KCNIP4: variants seen among roughly 807,000 people sequenced by gnomAD.
KCNIP4 encodes the protein potassium voltage-gated channel interacting protein 4, also known as Kv channel-interacting protein 4.
Under a neutral mutation model 34.0 loss-of-function variants are expected in KCNIP4, and 12 were observed. The observed-to-expected ratio is 0.35, with a 90% CI of 0.23 to 0.57. KCNIP4 has a LOEUF of 0.57. KCNIP4 is among the 20% of genes least tolerant of loss of function. KCNIP4 has a pLI of 0.83. For missense variants in KCNIP4, 238 were observed against 311.7 expected, an observed-to-expected ratio of 0.76 and a Z score of 1.78; for synonymous variants, 124 against 102.2, an observed-to-expected ratio of 1.21 and a Z score of -1.29.
chr4:21,820,015 T>C lies in KCNIP4; in HGVS notation c.61+128556A>G, dbSNP rs191475176. Among the ~76,000 whole-genome samples the C allele has an allele frequency of 4.0e-3, 612 of 152,128 alleles. 4 individuals are homozygous for C. Among genetic ancestry groups the C allele is most frequent in the African/African-American group, 0.014 (582 of 41,526 alleles). On this transcript the variant is annotated intron_variant, in intron 1 of 8. Transcript: ENST00000382152. ...TTGATATAGCTATCTAAATGTCCTCTGAGTACTTTTTAAAAAGCATTTTCA... is the reference window on the plus strand; with the variant it reads ...TTGATATAGCTATCTAAATGTCCTCCGAGTACTTTTTAAAAAGCATTTTCA...
intron 1 of KCNIP4, among the ~76,000 whole-genome samples, chr4:21,655,487 C>G (rs982206774): frequency 6.6e-6 from 1 of 152,104 alleles, no homozygotes; most frequent in Non-Finnish European, 1.5e-5. Flanking sequence ...AAAATAATAA[C>G]AATAAGAACA....
At chr4:21,206,596 C>T (rs1327383667) in intron 1 of KCNIP4, among the ~76,000 whole-genome samples, 1 of 152,164 alleles carries the variant, frequency 6.6e-6, no homozygotes, top group Non-Finnish European at 1.5e-5. Context: ...ATTCCAGCCT[C>T]ATTTTTGCCA....
intron 1 of KCNIP4, among the ~76,000 whole-genome samples, chr4:21,178,535 T>C (rs1754605646): frequency 6.8e-6 from 1 of 146,516 alleles, no homozygotes; most frequent in Non-Finnish European, 1.5e-5. Flanking sequence ...TTAAGTCCCA[T>C]GGGTTTAACT....
intron 4 of KCNIP4, among the ~76,000 whole-genome samples, chr4:20,750,566 C>G (rs1753429937): frequency 6.6e-6 from 1 of 152,140 alleles, no homozygotes; most frequent in Non-Finnish European, 1.5e-5. Flanking sequence ...CTTCCCCTCT[C>G]ATTTTTCCTT....
At chr4:21,732,715 A>G (rs1715699357) in intron 1 of KCNIP4, among the ~76,000 whole-genome samples, 1 of 152,080 alleles carries the variant, frequency 6.6e-6, no homozygotes, top group African/African-American at 2.4e-5. Context: ...GCCTCAATAC[A>G]TTCGCCTCTC....
chr4:21,351,524 C>T (rs1398843522), intron 1 of KCNIP4, among the ~76,000 whole-genome samples: 1 of 152,124 alleles, frequency 6.6e-6, no homozygotes, highest in Non-Finnish European at 1.5e-5. Context: ...TTATAAATTA[C>T]CCAGTCTTGA....
chr4:21,287,806 C>T (rs1763210522), intron 1 of KCNIP4, among the ~76,000 whole-genome samples: 1 of 152,022 alleles, frequency 6.6e-6, no homozygotes, highest in South Asian at 2.1e-4. Flanking sequence ...TTCCATCCAC[C>T]TTATCCTGCT....
chr4:21,512,263 A>T (rs574061981), intron 1 of KCNIP4, among the ~76,000 whole-genome samples: 25 of 152,290 alleles, frequency 1.6e-4, no homozygotes, highest in African/African-American at 5.8e-4. Context: ...TATTTATTTC[A>T]GTCTGCCTTT....
intron 1 of KCNIP4, among the ~76,000 whole-genome samples, chr4:20,917,205 T>G (rs1728940820): frequency 6.6e-6 from 1 of 150,840 alleles, no homozygotes; most frequent in Non-Finnish European, 1.5e-5. Flanking sequence ...GCCCAGCTAA[T>G]TTTTGTATTT....
chr4:21,675,607 AAAG>A (rs1369538834), intron 1 of KCNIP4, among the ~76,000 whole-genome samples: 1 of 151,690 alleles, frequency 6.6e-6, no homozygotes. Flanking sequence ...TATTAAAAGA[AAAG>A]AAACACCATC....
At chr4:21,582,726 T>C (rs768703169) in intron 1 of KCNIP4, among the ~76,000 whole-genome samples, 12 of 151,936 alleles carry the variant, frequency 7.9e-5, no homozygotes, top group Non-Finnish European at 1.6e-4. Context: ...CACAAATCCA[T>C]GAATCCAACT....
At chr4:21,138,873 G>T (rs1281701438) in intron 1 of KCNIP4, among the ~76,000 whole-genome samples, 1 of 152,128 alleles carries the variant, frequency 6.6e-6, no homozygotes, top group Non-Finnish European at 1.5e-5. Flanking sequence ...GAGAGGATGG[G>T]AAAGGCAAGA....
chr4:21,357,318 G>A (rs953151812), intron 1 of KCNIP4, among the ~76,000 whole-genome samples: 1 of 152,074 alleles, frequency 6.6e-6, no homozygotes, highest in South Asian at 2.1e-4. Flanking sequence ...TGACAAATGG[G>A]ATCTAATTAA....
chr4:21,769,413 T>C (rs2109187379), intron 1 of KCNIP4, among the ~76,000 whole-genome samples: 1 of 152,280 alleles, frequency 6.6e-6, no homozygotes, highest in East Asian at 1.9e-4. Flanking sequence ...TTATTTGATT[T>C]CATTTGTGGT....
chr4:21,036,656 G>T (rs1741470618), intron 1 of KCNIP4, among the ~76,000 whole-genome samples: 2 of 152,186 alleles, frequency 1.3e-5, no homozygotes, highest in African/African-American at 4.8e-5. Context: ...AATTGGGGAG[G>T]CGGAGGTTGC....
At chr4:21,940,493 A>G (rs1194171674) in intron 1 of KCNIP4, among the ~76,000 whole-genome samples, 1 of 152,176 alleles carries the variant, frequency 6.6e-6, no homozygotes, top group Non-Finnish European at 1.5e-5. Context: ...TTGACTATCA[A>G]TGCCTCATGC....
chr4:21,896,136 C>A (rs1462004415), intron 1 of KCNIP4, among the ~76,000 whole-genome samples: 1 of 152,138 alleles, frequency 6.6e-6, no homozygotes, highest in Non-Finnish European at 1.5e-5. Flanking sequence ...CTCTATGCGA[C>A]AGAGTTCATC....
chr4:21,775,341 C>A (rs1285327303), intron 1 of KCNIP4, among the ~76,000 whole-genome samples: 1 of 152,170 alleles, frequency 6.6e-6, no homozygotes, highest in Non-Finnish European at 1.5e-5. Flanking sequence ...CCTGCTCCTT[C>A]TTCTGGGACC....
chr4:21,661,871 A>C (rs2108991229), intron 1 of KCNIP4, among the ~76,000 whole-genome samples: 1 of 152,378 alleles, frequency 6.6e-6, no homozygotes, highest in Admixed American at 6.5e-5. Flanking sequence ...AAACAATTTT[A>C]GTGTAAAAGT....
Sources: gnomAD v4.1 joint callset for allele counts (sites outside exome capture counted in the v4.1 genomes callset) on GRCh38, gnomAD v4.1.1 for gene constraint, MANE v1.5 for transcripts, NCBI Gene and HGNC (gene_info 2026-07-23, HGNC 2026-07-21) for gene names.